The following RNLS variants were observed in gnomAD, a reference collection of about 807,000 sequenced individuals.
RNLS encodes renalase, FAD dependent amine oxidase.
In RNLS, 39 loss-of-function variants were observed where a neutral mutation model predicts 39.8. The ratio of observed to expected loss-of-function variants is 0.98; its 90% CI spans 0.76 to 1.28. RNLS has a LOEUF of 1.28. RNLS is among the 50% of genes most tolerant of loss of function. The probability of loss-of-function intolerance (pLI) is 0.00; values close to 1 mark genes in which losing one functional copy is unlikely to be tolerated. For synonymous variants in RNLS, 147 were observed against 150.7 expected, an observed-to-expected ratio of 0.98 and a Z score of 0.18; for missense variants, 410 against 413.3, an observed-to-expected ratio of 0.99 and a Z score of 0.07.
In RNLS at chr10:88,322,360, C is replaced by T. The variant is rs114355375; in HGVS notation, c.701-7719G>A. 5.0e-3 allele frequency among the ~76,000 whole-genome samples: 761 copies of T among 152,170 alleles called. 2 individuals carry two copies. Among genetic ancestry groups the T allele is most frequent in the African/African-American group, 0.017 (701 of 41,528 alleles). ...TGGTGAAAAATTGAAAGCATTTCCC[C>T]GATATGGTTTGGGCTCTGTGTCCCC... is the stretch of plus-strand genomic sequence containing the variant. On this transcript the variant is annotated intron_variant, in intron 5 of 6. Coordinates refer to ENST00000331772, the MANE Select transcript of RNLS (RefSeq NM_001031709.3).
chr10:88,188,795 G>A, the RNLS span, among the ~76,000 whole-genome samples: 1 of 152,120 alleles, frequency 6.6e-6, no homozygotes, highest in African/African-American at 2.4e-5. Context: ...AAGAACAGGA[G>A]AATATTTTAG....
chr10:88,364,269 G>A (rs1404086655), intron 4 of RNLS, among the ~76,000 whole-genome samples: 1 of 152,158 alleles, frequency 6.6e-6, no homozygotes, highest in African/African-American at 2.4e-5. Flanking sequence ...TGAACCTCAA[G>A]GATGAGGGGG....
chr10:88,299,046 CTCT>C (rs1782396007), intron 6 of RNLS, among the ~76,000 whole-genome samples: 1 of 152,148 alleles, frequency 6.6e-6, no homozygotes, highest in Non-Finnish European at 1.5e-5. Flanking sequence ...AAATTCACAT[CTCT>C]TCTTTAGTGA....
chr10:88,263,043 A>C, the RNLS span, among the ~76,000 whole-genome samples: 78 of 152,286 alleles, frequency 5.1e-4, no homozygotes, highest in East Asian at 0.013. Flanking sequence ...TGGAAATGAT[A>C]CTAGGTTTCT....
At chr10:88,172,158 A>G in the RNLS span, among the ~76,000 whole-genome samples, 1 of 152,192 alleles carries the variant, frequency 6.6e-6, no homozygotes, top group Non-Finnish European at 1.5e-5. Flanking sequence ...TCTCTTCAAT[A>G]TATTGATTTC....
chr10:88,248,456 T>C, the RNLS span, among the ~76,000 whole-genome samples: 1 of 151,610 alleles, frequency 6.6e-6, no homozygotes, highest in Non-Finnish European at 1.5e-5. Flanking sequence ...TTAGCAAGAG[T>C]CCAGAAAGAT....
intron 4 of RNLS, among the ~76,000 whole-genome samples, chr10:88,470,424 T>A (rs1328113251): frequency 1.3e-5 from 2 of 152,170 alleles, no homozygotes; most frequent in Non-Finnish European, 2.9e-5. Flanking sequence ...CTGTTTTATA[T>A]ACCCTGCATG....
the RNLS span, among the ~76,000 whole-genome samples, chr10:88,177,733 C>T: frequency 4.6e-5 from 7 of 152,260 alleles, no homozygotes; most frequent in Non-Finnish European, 8.8e-5. Flanking sequence ...GAGTTGCTTT[C>T]GCAGGGAAAG....
intron 4 of RNLS, among the ~76,000 whole-genome samples, chr10:88,392,737 A>G (rs902494527): frequency 1.3e-5 from 2 of 152,216 alleles, no homozygotes; most frequent in Admixed American, 6.5e-5. Context: ...TTTCAACAAA[A>G]AATTAGGAGA....
chr10:88,298,639 C>G (rs1157846577), intron 6 of RNLS, among the ~76,000 whole-genome samples: 4 of 152,180 alleles, frequency 2.6e-5, no homozygotes, highest in Non-Finnish European at 5.9e-5. Flanking sequence ...AATCAATTGA[C>G]TATAGGTATA....
intron 6 of RNLS, chr10:88,309,402 T>G (rs955980402): frequency 3.3e-5 from 42 of 1,289,140 alleles, no homozygotes; most frequent in Non-Finnish European, 3.6e-5. Context: ...ATTAATCTCA[T>G]GAGGGGATAA....
intron 4 of RNLS, among the ~76,000 whole-genome samples, chr10:88,364,519 T>C (rs950050200): frequency 1.3e-5 from 2 of 152,120 alleles, no homozygotes; most frequent in Non-Finnish European, 2.9e-5. Context: ...GATTGCGTGG[T>C]CAGGATGAAG....
intron 4 of RNLS, among the ~76,000 whole-genome samples, chr10:88,475,419 G>T (rs1031342664): frequency 1.3e-5 from 2 of 152,172 alleles, no homozygotes; most frequent in African/African-American, 4.8e-5. Context: ...CTTAGCCTCA[G>T]AGCCCTGAAA....
intron 4 of RNLS, among the ~76,000 whole-genome samples, chr10:88,405,985 T>C (rs1853238874): frequency 6.6e-6 from 1 of 152,120 alleles, no homozygotes; most frequent in Admixed American, 6.6e-5. Flanking sequence ...TATATGATGC[T>C]TAGTTTCGCT....
rs144108994 is a variant in RNLS at position 88,447,246 on chromosome 10, T to C, written c.527-84521A>G. The stretch of plus-strand genomic sequence containing the variant: ...TTGTCCCTGTTTGCAGATGTCATGA[T>C]TGTATATCTAGAAAACCCCATCGTC... On this transcript the variant is annotated intron_variant, in intron 4 of 6. Transcript: ENST00000331772. Among the ~76,000 whole-genome samples the C allele has an allele frequency of 6.2e-3, 948 of 152,314 alleles. 6 individuals are homozygous for C. The highest frequency in any genetic ancestry group is 0.021 in the African/African-American group (882 of 41,570).
chr10:88,575,891 T>C (rs1850171684), intron 3 of RNLS, among the ~76,000 whole-genome samples: 1 of 152,152 alleles, frequency 6.6e-6, no homozygotes, highest in Admixed American at 6.6e-5. Flanking sequence ...TACCATTTTC[T>C]CCCTCACTCA....
intron 4 of RNLS, among the ~76,000 whole-genome samples, chr10:88,422,660 C>A (rs1414453180): frequency 1.3e-5 from 2 of 152,060 alleles, no homozygotes; most frequent in African/African-American, 2.4e-5. Flanking sequence ...TGATAGAAAT[C>A]CCATAAAAGA....
intron 4 of RNLS, among the ~76,000 whole-genome samples, chr10:88,418,774 A>G (rs1432835970): frequency 6.6e-6 from 1 of 152,224 alleles, no homozygotes; most frequent in Non-Finnish European, 1.5e-5. Context: ...TGTGTATACA[A>G]TGGAGTATAT....
intron 4 of RNLS, among the ~76,000 whole-genome samples, chr10:88,530,144 A>C (rs949618710): frequency 6.6e-6 from 1 of 152,194 alleles, no homozygotes; most frequent in African/African-American, 2.4e-5. Context: ...CCTTTAAGGC[A>C]AGTGACTTTA....
Sources: gnomAD v4.1 joint callset for allele counts (sites outside exome capture counted in the v4.1 genomes callset) on GRCh38, gnomAD v4.1.1 for gene constraint, MANE v1.5 for transcripts, NCBI Gene and HGNC (gene_info 2026-07-23, HGNC 2026-07-21) for gene names.